GABRR3: variants seen among roughly 807,000 people sequenced by gnomAD.
GABRR3 encodes gamma-aminobutyric acid receptor subunit rho-3.
Under a neutral mutation model 43.2 loss-of-function variants are expected in GABRR3, and 29 were observed. The observed-to-expected ratio is 0.67, with a 90% CI of 0.50 to 0.92. The LOEUF is 0.92. Among genes scored for constraint, GABRR3 ranks in the 40% least tolerant of loss-of-function variants. The pLI, the probability that GABRR3 is intolerant of heterozygous loss-of-function variation, is 0.00. For synonymous variants in GABRR3, 206 were observed against 195.9 expected (o/e 1.05, Z -0.43); for missense variants, 576 against 572.3 (o/e 1.01, Z -0.07).
chr3:98,000,749 T>C (rs1706627963), intron 8 of GABRR3: 3 of 152,110 alleles, frequency 2.0e-5, no homozygotes, highest in Non-Finnish European at 4.4e-5. Flanking sequence ...CCTCTCTAGA[T>C]AGAGCACTAC....
exon 5 of GABRR3, chr3:98,012,455 C>A: frequency 6.2e-7 from 1 of 1,613,844 alleles, no homozygotes. Flanking sequence ...ATCAGGCACC[C>A]AGATCTTTCT....
chr3:98,006,048 G>A (rs1012370837), intron 7 of GABRR3, among the ~76,000 whole-genome samples: 2 of 151,498 alleles, frequency 1.3e-5, no homozygotes, highest in South Asian at 4.2e-4. Flanking sequence ...GATTAAGTAA[G>A]AACATTAAAA....
At chr3:98,006,113 AAGG>A (rs911374031) in intron 7 of GABRR3, among the ~76,000 whole-genome samples, 6 of 152,026 alleles carry the variant, frequency 3.9e-5, no homozygotes, top group African/African-American at 7.2e-5. Context: ...AAACCGAGAA[AAGG>A]AGGAGAAGAA....
intron 8 of GABRR3, 150 bp downstream of exon 8, chr3:98,001,465 G>T: frequency 2.5e-6 from 2 of 788,336 alleles, no homozygotes; most frequent in Non-Finnish European, 4.0e-6. Context: ...CCTTGAGGAT[G>T]TCAAGATCGA....
intron 7 of GABRR3, among the ~76,000 whole-genome samples, chr3:98,002,905 T>C (rs1250868402): frequency 2.0e-5 from 3 of 152,138 alleles, no homozygotes; most frequent in Non-Finnish European, 2.9e-5. Flanking sequence ...ATCACTTAAG[T>C]ACTTAGGCAT....
At chr3:98,031,823 G>A (rs964166835) in intron 2 of GABRR3, among the ~76,000 whole-genome samples, 5 of 152,144 alleles carry the variant, frequency 3.3e-5, no homozygotes, top group African/African-American at 9.7e-5. Flanking sequence ...CCTCAGAGGA[G>A]CATATACCTT....
intron 4 of GABRR3, among the ~76,000 whole-genome samples, chr3:98,016,040 G>A (rs1356176174): frequency 6.6e-6 from 1 of 152,140 alleles, no homozygotes; most frequent in Admixed American, 6.5e-5. Context: ...GCAGGAGAGA[G>A]AGCATGTGCA....
At chr3:98,019,474 G>A (rs985967409) in intron 3 of GABRR3, among the ~76,000 whole-genome samples, 5 of 152,134 alleles carry the variant, frequency 3.3e-5, no homozygotes, top group African/African-American at 1.2e-4. Flanking sequence ...CAGGCACAGG[G>A]ATGGCATGCA....
chr3:98,030,801 C>T (rs551856498), intron 2 of GABRR3, among the ~76,000 whole-genome samples: 35 of 152,054 alleles, frequency 2.3e-4, no homozygotes, highest in Non-Finnish European at 4.1e-4. Flanking sequence ...GCTAACTGTT[C>T]CAAATAATGT....
At chr3:98,030,586 T>C (rs1289600848) in intron 2 of GABRR3, among the ~76,000 whole-genome samples, 1 of 152,176 alleles carries the variant, frequency 6.6e-6, no homozygotes, top group African/African-American at 2.4e-5. Context: ...CACATAAAAA[T>C]CCATTATTGC....
At chr3:98,022,686 G>A (rs912188245) in intron 3 of GABRR3, among the ~76,000 whole-genome samples, 1 of 151,864 alleles carries the variant, frequency 6.6e-6, no homozygotes. Flanking sequence ...AAGATTTTTC[G>A]GCTCAAACTG....
chr3:97,994,731 C>A (rs1706513911), intron 8 of GABRR3, among the ~76,000 whole-genome samples: 1 of 152,114 alleles, frequency 6.6e-6, no homozygotes, highest in Non-Finnish European at 1.5e-5. Context: ...AATAATTAGC[C>A]ACACATAACA....
chr3:98,020,646 C>T (rs1170398369), intron 3 of GABRR3, among the ~76,000 whole-genome samples: 1 of 152,008 alleles, frequency 6.6e-6, no homozygotes, highest in Non-Finnish European at 1.5e-5. Flanking sequence ...ATTTATGCCA[C>T]TGTTGCCCAA....
intron 9 of GABRR3, among the ~76,000 whole-genome samples, chr3:97,990,316 GTGGTGGATT>G (rs1469196528): frequency 2.6e-5 from 4 of 152,132 alleles, no homozygotes; most frequent in African/African-American, 7.2e-5. Context: ...AAGCTGGGAT[GTGGTGGATT>G]TGGTTTGCCA....
At position 98,001,764 on chromosome 3, in the gene GABRR3, C is replaced by T. The variant is rs772487886; in HGVS notation, c.758G>A (p.Trp253Ter). Residue 253 changes from tryptophan to a stop codon, truncating the protein, a stop_gained, in exon 8 of 10, where the codon TGG becomes TAG. Transcript: ENST00000621172. LOFTEE classifies it high-confidence loss of function. Reference sequence around the variant, plus strand: ...AAAGTTGATGAAAAGCCTATTGTACCAACCTGTGGAAAAAAGCCAAAGTTT... The same window carrying T: ...AAAGTTGATGAAAAGCCTATTGTACTAACCTGTGGAAAAAAGCCAAAGTTT... The T allele has an allele frequency of 2.3e-5, 37 of 1,612,644 alleles. No individual in the cohort carries two copies. Among genetic ancestry groups the T allele is most frequent in the Non-Finnish European group, 3.1e-5 (37 of 1,179,222 alleles).
chr3:97,995,464 G>T (rs1035322283), intron 8 of GABRR3, among the ~76,000 whole-genome samples: 1 of 152,028 alleles, frequency 6.6e-6, no homozygotes, highest in African/African-American at 2.4e-5. Flanking sequence ...AAATAAAAAG[G>T]AATTGCGCTA....
At chr3:98,002,060 T>G (rs1162566117) in intron 7 of GABRR3, among the ~76,000 whole-genome samples, 1 of 152,168 alleles carries the variant, frequency 6.6e-6, no homozygotes, top group Non-Finnish European at 1.5e-5. Flanking sequence ...CACAATATAT[T>G]GTATTGTGGC....
At chr3:98,025,397 A>AATGG (rs1706997946) in intron 3 of GABRR3, among the ~76,000 whole-genome samples, 170 bp downstream of exon 3, 1 of 152,224 alleles carries the variant, frequency 6.6e-6, no homozygotes, top group Non-Finnish European at 1.5e-5. Flanking sequence ...GTCAATTTAA[A>AATGG]ATGGATAACT....
chr3:98,021,198 C>G (rs1053515785), intron 3 of GABRR3, among the ~76,000 whole-genome samples: 1 of 152,054 alleles, frequency 6.6e-6, no homozygotes, highest in Non-Finnish European at 1.5e-5. Flanking sequence ...CCATGTCCCA[C>G]TGCACCTTAT....
Sources: allele counts gnomAD v4.1 joint callset (sites outside exome capture counted in the v4.1 genomes callset), GRCh38; gene constraint gnomAD v4.1.1; transcripts MANE v1.5; gene names NCBI Gene and HGNC (gene_info 2026-07-23, HGNC 2026-07-21).